TCF12: variants seen among roughly 807,000 people sequenced by gnomAD.
The protein encoded by TCF12 is DNA-binding protein HTF4.
In TCF12, 45 loss-of-function variants were observed where a neutral mutation model predicts 86.0. The observed-to-expected ratio is 0.52, with a 90% confidence interval of 0.41 to 0.67. The LOEUF is 0.67. Ranked by LOEUF, TCF12 falls within the 30% of genes least tolerant of loss-of-function variation. The pLI, the probability that TCF12 is intolerant of heterozygous loss-of-function variation, is 0.00. For synonymous variants in TCF12, 330 were observed against 299.6 expected, an observed-to-expected ratio of 1.10 and a Z score of -1.05; for missense variants, 881 against 859.9, an observed-to-expected ratio of 1.02 and a Z score of -0.31.
intron 3 of TCF12, among the ~76,000 whole-genome samples, chr15:57,010,119 C>G (rs1402657177): frequency 1.3e-5 from 2 of 152,070 alleles, no homozygotes; most frequent in African/African-American, 2.4e-5. Context: ...GCACGCAGTA[C>G]ATGTTTTACT....
Position 56,918,807 on chromosome 15 carries a change from T to G in TCF12, c.-122T>G, listed in dbSNP as rs1392250540. 6.3e-6 allele frequency: 1 copy of G among 157,906 alleles called. No individual in the cohort carries two copies. Among genetic ancestry groups the G allele is most frequent in the Non-Finnish European group, 1.4e-5 (1 of 71,460 alleles). The allele number at this position is 157,906 out of a possible 1,614,324, so 9.8% of individuals were successfully genotyped here. A position where few individuals can be genotyped will look rare whatever the true frequency, so the allele number is the denominator to read the frequency against. Reference sequence around the variant, plus strand: ...ACCCGAGAGCTCGTGCGGGGCAAAGTGAACCGAGCCGCTGGGCGGTGCAAG... The same window carrying G: ...ACCCGAGAGCTCGTGCGGGGCAAAGGGAACCGAGCCGCTGGGCGGTGCAAG... On this transcript the variant is annotated 5_prime_UTR_variant, in exon 1 of 21. Coordinates refer to ENST00000333725, the MANE Select transcript of TCF12 (RefSeq NM_207037.2).
chr15:57,245,834 A>G (rs1251341108), intron 13 of TCF12, among the ~76,000 whole-genome samples: 1 of 152,204 alleles, frequency 6.6e-6, no homozygotes, highest in East Asian at 1.9e-4. Context: ...AATCAAAGAA[A>G]AATACTTTCA....
intron 5 of TCF12, among the ~76,000 whole-genome samples, chr15:57,117,365 T>C (rs529389258): frequency 1.3e-5 from 2 of 151,860 alleles, no homozygotes; most frequent in Admixed American, 6.6e-5. Flanking sequence ...ATAAAAGAGG[T>C]AGGAAAAAAA....
chr15:57,007,897 C>T (rs1192463413), intron 3 of TCF12, among the ~76,000 whole-genome samples: 4 of 78,730 alleles, frequency 5.1e-5, no homozygotes, highest in South Asian at 6.4e-4. Context: ...TTCCTTCCTT[C>T]CTTCCTTCCT....
At chr15:57,189,514 T>C (rs550355066) in intron 6 of TCF12, among the ~76,000 whole-genome samples, 3 of 152,304 alleles carry the variant, frequency 2.0e-5, no homozygotes, top group African/African-American at 4.8e-5. Context: ...ATTAGGGTTA[T>C]GCGAATCAAA....
intron 3 of TCF12, among the ~76,000 whole-genome samples, chr15:57,058,533 C>T (rs921135468): frequency 6.6e-6 from 1 of 152,194 alleles, no homozygotes; most frequent in East Asian, 1.9e-4. Context: ...TAAAGATGAC[C>T]GGAAAGGGTG....
intron 18 of TCF12, among the ~76,000 whole-genome samples, chr15:57,269,598 T>C (rs1051868035): frequency 2.2e-4 from 33 of 152,216 alleles, no homozygotes; most frequent in African/African-American, 7.5e-4. Flanking sequence ...ATCCTGTCAT[T>C]ATGATGCTAC....
intron 3 of TCF12, among the ~76,000 whole-genome samples, chr15:57,059,522 T>C (rs2068290317): frequency 6.6e-6 from 1 of 152,104 alleles, no homozygotes; most frequent in Non-Finnish European, 1.5e-5. Flanking sequence ...TACCCTAGTC[T>C]TGGTTCAGGG....
intron 3 of TCF12, among the ~76,000 whole-genome samples, chr15:56,943,397 T>C (rs1246731662): frequency 6.6e-6 from 1 of 152,224 alleles, no homozygotes; most frequent in East Asian, 1.9e-4. Context: ...TACCAACTTA[T>C]ATAATTATTC....
At chr15:57,098,162 AT>A (rs2049470596) in intron 5 of TCF12, among the ~76,000 whole-genome samples, 1 of 151,998 alleles carries the variant, frequency 6.6e-6, no homozygotes, top group Admixed American at 6.6e-5. Flanking sequence ...TCCAGCCTGG[AT>A]GACAGAGCAA....
intron 8 of TCF12, among the ~76,000 whole-genome samples, chr15:57,225,624 G>A (rs1159557804): frequency 6.6e-6 from 1 of 152,054 alleles, no homozygotes; most frequent in Non-Finnish European, 1.5e-5. Flanking sequence ...ATCTGAAAAT[G>A]ATCAGAAAAA....
chr15:57,089,440 A>G (rs1567399410), intron 4 of TCF12, among the ~76,000 whole-genome samples: 1 of 152,226 alleles, frequency 6.6e-6, no homozygotes, highest in Non-Finnish European at 1.5e-5. Flanking sequence ...AGCAGTGGGA[A>G]CAGCAAAAAA....
chr15:56,950,528 A>G (rs1462054025), intron 3 of TCF12, among the ~76,000 whole-genome samples: 1 of 151,770 alleles, frequency 6.6e-6, no homozygotes, highest in Admixed American at 6.6e-5. Flanking sequence ...GCCTGGGTGC[A>G]TTTCGTGTAG....
intron 3 of TCF12, among the ~76,000 whole-genome samples, chr15:57,053,980 A>G (rs1371242364): frequency 6.6e-6 from 1 of 152,208 alleles, no homozygotes; most frequent in African/African-American, 2.4e-5. Flanking sequence ...GCAGGAGATT[A>G]ATTAATGAGT....
At chr15:56,975,006 C>A (rs1474328534) in intron 3 of TCF12, among the ~76,000 whole-genome samples, 1 of 152,036 alleles carries the variant, frequency 6.6e-6, no homozygotes, top group Non-Finnish European at 1.5e-5. Context: ...AATAGTGGAC[C>A]TCCTTAAAAT....
intron 12 of TCF12, among the ~76,000 whole-genome samples, chr15:57,240,869 G>A (rs1209484451): frequency 1.2e-5 from 1 of 82,104 alleles, no homozygotes. Flanking sequence ...GACAGAGCAA[G>A]ACCCTGTCTC....
rs187913975 is a variant in TCF12 at position 57,273,538 on chromosome 15, G to A, written c.1978+276G>A. Among the ~76,000 whole-genome samples the A allele has an allele frequency of 3.9e-5, 6 of 152,128 alleles. 1 individual carries two copies. The East Asian group carries it at 1.2e-3, about 29-fold the overall frequency. ...CTGCTGCTCAGCAATAGTGCTTTGTGTCTCTTTGCTCTGGTTGCTTCTGAT... is the reference window on the plus strand; with the variant it reads ...CTGCTGCTCAGCAATAGTGCTTTGTATCTCTTTGCTCTGGTTGCTTCTGAT... On this transcript the variant is annotated intron_variant, in intron 19 of 20. Transcript: ENST00000333725.
rs779169857 is a variant in TCF12, at chr15:57,273,141, A to G, written c.1857A>G (p.Glu619=). 8 of 1,614,240 alleles carry G rather than the reference A, an allele frequency of 5.0e-6. No individual in the cohort carries two copies. The highest frequency in any genetic ancestry group is 5.9e-6 in the Non-Finnish European group (7 of 1,180,040). ...GCTTACGCGTGCGGGATATTAATGAAGCATTCAAAGAGCTTGGCCGAATGT... is the reference window on the plus strand; with the variant it reads ...GCTTACGCGTGCGGGATATTAATGAGGCATTCAAAGAGCTTGGCCGAATGT... ...RERLRVRDIN[E]AFKELGRMCQ... The change falls in exon 19 of 21, where the codon GAA becomes GAG. Residue 619 remains glutamate, a synonymous_variant. Coordinates refer to ENST00000333725, the MANE Select transcript of TCF12 (RefSeq NM_207037.2).
At chr15:57,022,224 C>G (rs1460441675) in intron 3 of TCF12, among the ~76,000 whole-genome samples, 2 of 152,040 alleles carry the variant, frequency 1.3e-5, no homozygotes, top group Non-Finnish European at 2.9e-5. Context: ...CCCAGCTCCC[C>G]ACCCCCCGAT....
Sources: allele counts gnomAD v4.1 joint callset (sites outside exome capture counted in the v4.1 genomes callset), GRCh38; gene constraint gnomAD v4.1.1; transcripts MANE v1.5; gene names NCBI Gene and HGNC (gene_info 2026-07-23, HGNC 2026-07-21).